PRKDC: variants seen among roughly 807,000 people sequenced by gnomAD.
The protein encoded by PRKDC is protein kinase, DNA-activated, catalytic subunit, also known as DNA-dependent protein kinase catalytic subunit.
In PRKDC, 82 loss-of-function variants were observed where a neutral mutation model predicts 486.9. The ratio of observed to expected loss-of-function variants is 0.17; its 90% CI spans 0.14 to 0.20. The LOEUF is 0.20. PRKDC is among the 10% of genes least tolerant of loss of function. PRKDC has a pLI of 1.00. For missense variants in PRKDC, 4,504 were observed against 5,038.2 expected, an observed-to-expected ratio of 0.89 and a Z score of 3.21; for synonymous variants, 1,895 against 1,837.0, an observed-to-expected ratio of 1.03 and a Z score of -0.81.
Position 47,957,345 on chromosome 8 carries a change from G to A in PRKDC, c.231+10C>T, listed in dbSNP as rs1348839360. ...ATACAAGAAAAGCAAAACCAAAATT[G>A]TCAACTTACTTCAATACTGTTGAGT... On this transcript the variant is annotated intron_variant, in intron 2 of 85. Transcript: ENST00000314191. 6 of 1,595,660 alleles carry A rather than the reference G, an allele frequency of 3.8e-6. No homozygotes were observed. In the African/African-American group the frequency reaches 5.4e-5, roughly 14 times the overall value.
intron 36 of PRKDC, 63 bp from the exon 37 acceptor site, chr8:47,882,160 T>C: frequency 7.0e-7 from 1 of 1,436,452 alleles, no homozygotes; most frequent in Non-Finnish European, 9.6e-7. Context: ...GAAAACAAAA[T>C]TTACCTTTAT....
Position 47,798,333 on chromosome 8 carries a change from T to C in PRKDC, c.10362A>G (p.Leu3454=), listed in dbSNP as rs376203472. The change falls in exon 73 of 86, where the codon TTA becomes TTG. Residue 3454 remains leucine (L), a synonymous_variant. Coordinates refer to ENST00000314191, the MANE Select transcript of PRKDC (RefSeq NM_006904.7). ...ALVVEKMLKA[L]KLNSNEARLK... ...ATCTGGCTTCATTGGAATTTAATTT[T>C]AAAGCTTTCAACATTTTCTCCACCA... 4.1e-5 allele frequency: 66 copies of C among 1,613,160 alleles called. 2 individuals carry two copies. The highest frequency in any genetic ancestry group is 1.4e-4 in the South Asian group (13 of 90,850).
chr8:47,851,153 C>A (rs537113080), intron 52 of PRKDC, among the ~76,000 whole-genome samples: 3 of 152,266 alleles, frequency 2.0e-5, no homozygotes, highest in South Asian at 4.1e-4. Context: ...CAAATTTCTA[C>A]GATAAATCCG....
intron 72 of PRKDC, among the ~76,000 whole-genome samples, chr8:47,798,699 G>A (rs189958401): frequency 2.9e-4 from 44 of 152,292 alleles, no homozygotes; most frequent in Non-Finnish European, 5.7e-4. Context: ...ACACGAGCCA[G>A]TAATATTGAA....
chr8:47,937,659 C>A (rs916803443), intron 11 of PRKDC, among the ~76,000 whole-genome samples: 1 of 152,314 alleles, frequency 6.6e-6, no homozygotes, highest in African/African-American at 2.4e-5. Flanking sequence ...CCCTCTCCTG[C>A]CTATCATGCT....
intron 19 of PRKDC, 58 bp downstream of exon 19, chr8:47,929,034 T>C (rs1009509040): frequency 1.9e-5 from 23 of 1,237,274 alleles, no homozygotes; most frequent in Non-Finnish European, 2.5e-5. Flanking sequence ...ATTTTTTCAA[T>C]AGATATTCAT....
At chr8:47,839,659 G>T (rs2088099473) in intron 55 of PRKDC, among the ~76,000 whole-genome samples, 1 of 152,110 alleles carries the variant, frequency 6.6e-6, no homozygotes, top group South Asian at 2.1e-4. Flanking sequence ...GTTTTTAAAA[G>T]GATACAATTA....
At chr8:47,915,541 T>C in intron 22 of PRKDC, 123 bp from the exon 23 acceptor site, 1 of 585,392 alleles carries the variant, frequency 1.7e-6, no homozygotes, top group Non-Finnish European at 2.9e-6. Context: ...AGTTCCAAAC[T>C]TTTTGGCAGG....
chr8:47,886,271 T>C, intron 35 of PRKDC, 124 bp from the exon 36 acceptor site: 1 of 659,476 alleles, frequency 1.5e-6, no homozygotes, highest in Non-Finnish European at 2.4e-6. Context: ...GCCTGATATG[T>C]GAAGCCTGGA....
chr8:47,839,109 C>G (rs1224578714), intron 56 of PRKDC, 39 bp downstream of exon 56: 1 of 1,479,254 alleles, frequency 6.8e-7, no homozygotes, highest in Non-Finnish European at 9.4e-7. Context: ...AAAGCAATAC[C>G]CTTAACATTT....
chr8:47,812,736 G>A (rs557246339), intron 68 of PRKDC, among the ~76,000 whole-genome samples: 11 of 152,050 alleles, frequency 7.2e-5, no homozygotes, highest in African/African-American at 2.4e-4. Flanking sequence ...TAGTAAAGAC[G>A]ATACTAGAAA....
Position 47,960,067 on chromosome 8 carries a change from G to A in PRKDC, c.60C>T (p.Ser20=), listed in dbSNP as rs546052637. 5 of 1,531,618 alleles carry A rather than the reference G, an allele frequency of 3.3e-6. No homozygotes were observed. In the African/African-American group the frequency reaches 5.5e-5, roughly 17 times the overall value. The allele number at this position is 1,531,618 out of a possible 1,614,324, so 94.9% of individuals were successfully genotyped here. A position where few individuals can be genotyped will look rare whatever the true frequency, so the allele number is the denominator to read the frequency against. ...CSLLRLQETL[S]AADRCGAALA... is the part of the protein sequence containing the mutation. ...GGGCAGCACCGCAGCGGTCCGCAGCGGACAAGGTCTCCTGCAGCCGCAGCA... is the reference window on the plus strand; with the variant it reads ...GGGCAGCACCGCAGCGGTCCGCAGCAGACAAGGTCTCCTGCAGCCGCAGCA... The change falls in exon 1 of 86, where the codon TCC becomes TCT. Residue 20 remains serine, a synonymous_variant. Transcript: ENST00000314191.
intron 41 of PRKDC, among the ~76,000 whole-genome samples, 175 bp downstream of exon 41, chr8:47,864,381 C>T (rs940698126): frequency 6.6e-6 from 1 of 152,052 alleles, no homozygotes; most frequent in East Asian, 1.9e-4. Flanking sequence ...TCCAAATTTG[C>T]GTTAAGTTGT....
Position 47,855,342 on chromosome 8 carries a change from C to A in PRKDC, c.6641G>T (p.Arg2214Leu). 1.9e-6 allele frequency: 3 copies of A among 1,599,206 alleles called. No individual in the cohort carries two copies. The highest frequency in any genetic ancestry group is 1.1e-5 in the South Asian group (1 of 88,578). The change falls in exon 50 of 86, where the codon CGA (arginine) becomes CTA (leucine). Residue 2214 changes from arginine (R) to leucine (L), a missense_variant. Arg to Leu is a moderately radical substitution (Grantham distance 102, BLOSUM62 -2). Transcript: ENST00000314191. ...ATGTTTCATTAGGAAATTAAGCAAT[C>A]GATTTGCTAACACTTCATCTTTAGG... ...GVPKDEVLAN[R>L]LLNFLMKHVF...
At chr8:47,888,002 C>T (rs796156163) in intron 34 of PRKDC, among the ~76,000 whole-genome samples, 19 of 152,164 alleles carry the variant, frequency 1.2e-4, no homozygotes, top group African/African-American at 4.1e-4. Flanking sequence ...ACTACGGGTC[C>T]GCGGCACCCA....
At chr8:47,838,743 A>G (rs2088079967) in intron 56 of PRKDC, among the ~76,000 whole-genome samples, 1 of 152,258 alleles carries the variant, frequency 6.6e-6, no homozygotes, top group Non-Finnish European at 1.5e-5. Context: ...ACTTTCATAT[A>G]TAACTAATAT....
At position 47,886,158 on chromosome 8, in the gene PRKDC, G is replaced by T. The variant is rs769369698; in HGVS notation, c.4573-11C>A. ...CACAAGGCGCTCACACTGGGAAAAAGAAAGGAGAAGTACCATAACTGGGGC... is the reference window on the plus strand; with the variant it reads ...CACAAGGCGCTCACACTGGGAAAAATAAAGGAGAAGTACCATAACTGGGGC... On this transcript the variant is annotated splice_polypyrimidine_tract_variant and intron_variant, in intron 35 of 85. Transcript: ENST00000314191. 1.2e-4 allele frequency: 182 copies of T among 1,577,908 alleles called. No individual in the cohort carries two copies. Among genetic ancestry groups the T allele is most frequent in the Non-Finnish European group, 1.5e-4 (170 of 1,164,200 alleles).
chr8:47,813,878 A>T (rs2087385691), intron 68 of PRKDC, among the ~76,000 whole-genome samples: 1 of 152,092 alleles, frequency 6.6e-6, no homozygotes, highest in Non-Finnish European at 1.5e-5. Flanking sequence ...CTGGCCATAA[A>T]CTTTTTTTAA....
At chr8:47,821,077 T>G (rs1408674308) in intron 65 of PRKDC, 134 bp from the exon 66 acceptor site, 1 of 552,728 alleles carries the variant, frequency 1.8e-6, no homozygotes, top group East Asian at 3.1e-5. Context: ...GTTTGATGTC[T>G]GAAACAGTAA....
Sources: gnomAD v4.1 joint callset for allele counts (sites outside exome capture counted in the v4.1 genomes callset) on GRCh38, gnomAD v4.1.1 for gene constraint, MANE v1.5 for transcripts, NCBI Gene and HGNC (gene_info 2026-07-23, HGNC 2026-07-21) for gene names.